Variants in PARVB observed in about 807,000 individuals in gnomAD.
The protein encoded by PARVB is beta-parvin.
In PARVB, 46 loss-of-function variants were observed where a neutral mutation model predicts 47.0. The observed-to-expected ratio is 0.98, with a 90% confidence interval of 0.77 to 1.25. The LOEUF is 1.25. Among genes scored for constraint, PARVB ranks in the 50% most tolerant of loss-of-function variants. The probability of loss-of-function intolerance (pLI) is 0.00; values close to 1 mark genes in which losing one functional copy is unlikely to be tolerated. For synonymous variants in PARVB, 196 were observed against 196.3 expected, an observed-to-expected ratio of 1.00 and a Z score of 0.01; for missense variants, 473 against 471.6, an observed-to-expected ratio of 1.00 and a Z score of -0.03.
At chr22:44,136,854 C>T (rs1330439314) in intron 7 of PARVB, among the ~76,000 whole-genome samples, 3 of 152,214 alleles carry the variant, frequency 2.0e-5, no homozygotes, top group African/African-American at 7.2e-5. Context: ...GTTCATTTAT[C>T]CATCTACATT....
intron 2 of PARVB, among the ~76,000 whole-genome samples, chr22:44,018,389 T>A (rs546113544): frequency 1.3e-5 from 2 of 152,186 alleles, no homozygotes; most frequent in African/African-American, 4.8e-5. Flanking sequence ...GCGACAAGAA[T>A]GAAACTCCAT....
chr22:44,141,110 G>A (rs910977195), intron 8 of PARVB: 1 of 156,066 alleles, frequency 6.4e-6, no homozygotes, highest in African/African-American at 2.4e-5. Context: ...GGGCCCTCTG[G>A]GTGGGGGTGC....
chr22:44,077,127 G>T (rs1363500930), intron 1 of PARVB, among the ~76,000 whole-genome samples: 1 of 152,162 alleles, frequency 6.6e-6, no homozygotes, highest in Non-Finnish European at 1.5e-5. Context: ...CAACCTGAGT[G>T]GCTTAAACAA....
At chr22:44,087,544 A>G (rs2052052924) in intron 1 of PARVB, among the ~76,000 whole-genome samples, 1 of 152,158 alleles carries the variant, frequency 6.6e-6, no homozygotes. Context: ...TTGTGTTTTC[A>G]GATTTCTTCT....
Position 44,079,467 on chromosome 22 carries a change from G to A in PARVB, c.113-14461G>A, listed in dbSNP as rs138584064. The stretch of plus-strand genomic sequence containing the variant: ...ACACAGCTGTGTCTGAAAACGTCAA[G>A]CAGTTAGCTCATCCCTGGCTACTTC... On this transcript the variant is annotated intron_variant, in intron 1 of 12. Transcript: ENST00000338758. Among the ~76,000 whole-genome samples the A allele has an allele frequency of 2.3e-3, 348 of 152,224 alleles. 2 individuals carry two copies. Among genetic ancestry groups the A allele is most frequent in the Non-Finnish European group, 3.8e-3 (259 of 68,018 alleles).
intron 1 of PARVB, among the ~76,000 whole-genome samples, chr22:44,048,725 C>G (rs1375052278): frequency 6.6e-6 from 1 of 152,120 alleles, no homozygotes; most frequent in Non-Finnish European, 1.5e-5. Flanking sequence ...CCATGCCTGG[C>G]TAATCTTTGT....
intron 5 of PARVB, among the ~76,000 whole-genome samples, chr22:44,132,547 G>C (rs943939620): frequency 2.2e-4 from 34 of 152,274 alleles, no homozygotes; most frequent in African/African-American, 8.2e-4. Context: ...GCACATCCTT[G>C]TGATGGGTAA....
rs145110992 is a variant in PARVB at position 44,157,972 on chromosome 22, T to TG, written c.844-10_844-9insG. The TG allele has an allele frequency of 3.6e-3, 5,717 of 1,601,728 alleles. 205 individuals are homozygous for TG. In the African/African-American group the frequency reaches 0.069, roughly 19 times the overall value. On this transcript the variant is annotated splice_polypyrimidine_tract_variant and intron_variant, in intron 10 of 12. Coordinates refer to ENST00000338758, the MANE Select transcript of PARVB (RefSeq NM_013327.5). ...CCCTGCCCGGAAACATCACAAGTCT[T>TG]TCTCTGCAGTTTGCAGATGGCGTGT...
At chr22:44,151,733 G>T in intron 10 of PARVB, 182 bp downstream of exon 10, 1 of 572,044 alleles carries the variant, frequency 1.7e-6, no homozygotes, top group Non-Finnish European at 3.2e-6. Flanking sequence ...CTTTCCTGGG[G>T]CTGCTGCCAC....
chr22:44,069,165 GAGTT>G lies in PARVB; in HGVS notation c.113-24762_113-24759del, dbSNP rs766008907. 2.5e-6 allele frequency: 4 copies of G among 1,611,786 alleles called. No homozygotes were observed. The South Asian group carries it at 4.4e-5, about 18-fold the overall frequency. On this transcript the variant is annotated intron_variant, in intron 1 of 12. Transcript: ENST00000338758. ...CGCCAGCTGCACCCTCCTCGCCAGT[GAGTT>G]CTGTTGCTTTCGTATCATTTTCAGC... is the stretch of plus-strand genomic sequence containing the variant.
rs5764095 is a variant in PARVB at position 44,134,589 on chromosome 22, G to A, written c.633+1580G>A. Among the ~76,000 whole-genome samples, 373 of 152,314 alleles carry A rather than the reference G, an allele frequency of 2.4e-3. 1 individual carries two copies. The highest frequency in any genetic ancestry group is 0.023 in the East Asian group (121 of 5,164). On this transcript the variant is annotated intron_variant, in intron 6 of 12. Transcript: ENST00000338758. ...TGTTTGGCCACGACCAAAGCAGAAT[G>A]AAACGGGAGCAGGGGGTCCTGTGAA... is the stretch of plus-strand genomic sequence containing the variant.
At position 44,151,612 on chromosome 22, in the gene PARVB, A is replaced by T. The variant is rs1167524278; in HGVS notation, c.843+61A>T. On this transcript the variant is annotated intron_variant, in intron 10 of 12. Coordinates refer to ENST00000338758, the MANE Select transcript of PARVB (RefSeq NM_013327.5). Reference sequence around the variant, plus strand: ...ACCGCCATTTTCAGTCAGTGTTTTGATCCCAGGTGGGGCGCGTGAACAAAG... The same window carrying T: ...ACCGCCATTTTCAGTCAGTGTTTTGTTCCCAGGTGGGGCGCGTGAACAAAG... 5.3e-6 allele frequency: 7 copies of T among 1,330,748 alleles called. No homozygotes were observed. In the East Asian group the frequency reaches 1.6e-4, roughly 30 times the overall value. The allele number at this position is 1,330,748 out of a possible 1,614,324, so 82.4% of individuals were successfully genotyped here. A position where few individuals can be genotyped will look rare whatever the true frequency, so the allele number is the denominator to read the frequency against.
chr22:44,049,959 A>T lies in PARVB; in HGVS notation c.112+25508A>T, dbSNP rs960391673. ...AGTTTGGGGTTTCTGTTTTACCTACACTTCCATATTGTGGGCATGTGGCTG... is the reference window on the plus strand; with the variant it reads ...AGTTTGGGGTTTCTGTTTTACCTACTCTTCCATATTGTGGGCATGTGGCTG... On this transcript the variant is annotated intron_variant, in intron 1 of 12. Coordinates refer to ENST00000338758, the MANE Select transcript of PARVB (RefSeq NM_013327.5). The surrounding 1 kb of genome is among the most constrained non-coding windows in gnomAD (Gnocchi z 4.0). Among the ~76,000 whole-genome samples, 2 of 152,092 alleles carry T rather than the reference A, an allele frequency of 1.3e-5. No individual in the cohort carries two copies. Among genetic ancestry groups the T allele is most frequent in the Non-Finnish European group, 2.9e-5 (2 of 68,016 alleles).
chr22:44,120,414 G>C (rs542432602), intron 4 of PARVB, among the ~76,000 whole-genome samples: 2 of 152,266 alleles, frequency 1.3e-5, no homozygotes, highest in South Asian at 4.1e-4. Flanking sequence ...TTTTGGAAGG[G>C]TCTGGGCCTC....
At chr22:44,118,457 G>A (rs1475759916) in intron 3 of PARVB, among the ~76,000 whole-genome samples, 3 of 152,194 alleles carry the variant, frequency 2.0e-5, no homozygotes, top group Non-Finnish European at 4.4e-5. Context: ...TGCAGCTGAC[G>A]GTGGTCACAC....
At chr22:44,101,403 G>A (rs555308056) in intron 3 of PARVB, among the ~76,000 whole-genome samples, 11 of 140,376 alleles carry the variant, frequency 7.8e-5, no homozygotes, top group Admixed American at 3.5e-4. Flanking sequence ...GCGAGGCTCC[G>A]TCTCAAAAAA....
In PARVB at chr22:44,016,558, T is replaced by G. The variant is rs558811391; in HGVS notation, c.211+16885T>G. ...TCCTATCCAAGTGTAAACATGAAAT[T>G]CGCTTATGTTTCATATACACCTTGT... On this transcript the variant is annotated intron_variant, in intron 2 of 13. Coordinates refer to the PARVB transcript ENST00000406477. 1.3e-5 allele frequency among the ~76,000 whole-genome samples: 2 copies of G among 152,340 alleles called. 1 individual carries two copies. Among genetic ancestry groups the G allele is most frequent in the South Asian group, 4.1e-4 (2 of 4,830 alleles).
At chr22:44,043,578 C>A (rs1352150470) in intron 1 of PARVB, among the ~76,000 whole-genome samples, 1 of 152,084 alleles carries the variant, frequency 6.6e-6, no homozygotes, top group Non-Finnish European at 1.5e-5. Flanking sequence ...AGGGTTTCAC[C>A]ATGTTGGCCA....
chr22:44,129,524 G>A (rs1310079394), intron 4 of PARVB, among the ~76,000 whole-genome samples: 2 of 152,282 alleles, frequency 1.3e-5, no homozygotes, highest in South Asian at 2.1e-4. Flanking sequence ...GGTGGGCGAG[G>A]CTCTCAGACC....
Sources: gnomAD v4.1 joint callset for allele counts (sites outside exome capture counted in the v4.1 genomes callset) on GRCh38, gnomAD v4.1.1 for gene constraint, Gnocchi (gnomAD v3.1) non-coding constraint, MANE v1.5 for transcripts, NCBI Gene and HGNC (gene_info 2026-07-23, HGNC 2026-07-21) for gene names.